Variants in GAD2 observed in about 807,000 individuals in gnomAD.
The protein encoded by GAD2 is glutamate decarboxylase 2.
GAD2 carries 22 observed loss-of-function variants against 80.1 expected under a neutral mutation model. The ratio of observed to expected loss-of-function variants is 0.27; its 90% CI spans 0.20 to 0.39. The LOEUF is 0.39. Among genes scored for constraint, GAD2 ranks in the 10% least tolerant of loss-of-function variants. The pLI is 1.00. For synonymous variants in GAD2, 274 were observed against 256.9 expected, an observed-to-expected ratio of 1.07 and a Z score of -0.64; for missense variants, 624 against 738.4, an observed-to-expected ratio of 0.85 and a Z score of 1.80.
chr10:26,273,401 A>G (rs6482549), intron 10 of GAD2, among the ~76,000 whole-genome samples: 152,089 of 152,288 alleles, frequency 1, 75,945 homozygotes, highest in Middle Eastern at 1. Context: ...TCTCTCTTCT[A>G]CGGACCAGGA....
At chr10:26,265,512 C>T (rs77031076) in intron 8 of GAD2, among the ~76,000 whole-genome samples, 10,537 of 152,028 alleles carry the variant, frequency 0.069, 454 homozygotes, top group Non-Finnish European at 0.099. Flanking sequence ...CAGCATCATA[C>T]GACTTCTTAA....
intron 7 of GAD2, among the ~76,000 whole-genome samples, chr10:26,243,181 C>T (rs1167013037): frequency 6.6e-6 from 1 of 152,148 alleles, no homozygotes. Flanking sequence ...AAGCTAATGG[C>T]CCTTTCTCAT....
intron 4 of GAD2, among the ~76,000 whole-genome samples, chr10:26,222,617 G>C (rs370229559): frequency 2.0e-5 from 3 of 152,144 alleles, no homozygotes; most frequent in African/African-American, 7.2e-5. Context: ...GGTACCACAC[G>C]AGGCCACAAG....
Position 26,292,531 on chromosome 10 carries a change from A to G in GAD2, c.1453A>G (p.Ile485Val). The stretch of plus-strand genomic sequence containing the variant: ...GTTGGCAGAGTATTTATACAACATC[A>G]TAAAAAACCGAGAAGGATATGAGAT... ...LELAEYLYNI[I>V]KNREGYEMVF... The change falls in exon 14 of 16, where the codon ATA (isoleucine) becomes GTA (valine). Residue 485 changes from isoleucine (I) to valine (V), a missense_variant. By Grantham distance (29) the Ile-to-Val change is conservative. Coordinates refer to ENST00000376261, the MANE Select transcript of GAD2 (RefSeq NM_001134366.2). 6.2e-7 allele frequency: 1 copy of G among 1,614,094 alleles called. No homozygotes were observed. The highest frequency in any genetic ancestry group is 8.5e-7 in the Non-Finnish European group (1 of 1,179,944).
chr10:26,223,557 G>A (rs767941335), intron 4 of GAD2, among the ~76,000 whole-genome samples: 1 of 152,124 alleles, frequency 6.6e-6, no homozygotes, highest in Non-Finnish European at 1.5e-5. Flanking sequence ...AAATAGAAAA[G>A]AGACTCATGC....
chr10:26,230,600 A>G (rs916693602), intron 7 of GAD2, among the ~76,000 whole-genome samples: 7 of 152,004 alleles, frequency 4.6e-5, no homozygotes, highest in African/African-American at 1.4e-4. Context: ...ATGGCTGACT[A>G]ATTTTTCTAT....
At chr10:26,272,342 C>A (rs922041220) in intron 10 of GAD2, among the ~76,000 whole-genome samples, 2 of 152,114 alleles carry the variant, frequency 1.3e-5, no homozygotes, top group Non-Finnish European at 2.9e-5. Context: ...CCGGCAACTT[C>A]AAAAATGAGA....
chr10:26,263,998 T>G (rs1285811124), intron 8 of GAD2, among the ~76,000 whole-genome samples: 1 of 152,200 alleles, frequency 6.6e-6, no homozygotes, highest in Non-Finnish European at 1.5e-5. Flanking sequence ...GCTCTAGATT[T>G]GAAATCTGCC....
intron 7 of GAD2, among the ~76,000 whole-genome samples, chr10:26,244,039 A>G (rs1440317900): frequency 6.6e-6 from 1 of 152,236 alleles, no homozygotes; most frequent in East Asian, 1.9e-4. Context: ...AACTAAATAA[A>G]CGACTGTATT....
At position 26,217,100 on chromosome 10, in the gene GAD2, G is replaced by A. The variant is rs1477537426; in HGVS notation, c.76+215G>A. Among the ~76,000 whole-genome samples the A allele has an allele frequency of 6.6e-6, 1 of 151,992 alleles. No individual in the cohort carries two copies. Among genetic ancestry groups the A allele is most frequent in the African/African-American group, 2.4e-5 (1 of 41,384 alleles). ...AAGACGCCCAAATAGTCTCAGGCCC[G>A]TTCCACAGAAGGTTGGAAGAGCCCC... On this transcript the variant is annotated intron_variant, in intron 1 of 15. Coordinates refer to ENST00000376261, the MANE Select transcript of GAD2 (RefSeq NM_001134366.2). This position sits in a 1 kb window ranked among gnomAD's most constrained non-coding sequence, Gnocchi z 4.9.
chr10:26,221,040 A>G (rs1844446467), intron 4 of GAD2, among the ~76,000 whole-genome samples: 1 of 152,214 alleles, frequency 6.6e-6, no homozygotes, highest in Non-Finnish European at 1.5e-5. Flanking sequence ...CAATCTCTCA[A>G]TAGTTTTCAT....
intron 8 of GAD2, among the ~76,000 whole-genome samples, chr10:26,249,520 G>A (rs1844853392): frequency 6.6e-6 from 1 of 152,228 alleles, no homozygotes. Context: ...TCACCTAGAG[G>A]GCCGTGGCCC....
rs566940550 is a variant in GAD2 at position 26,270,622 on chromosome 10, G to A, written c.976-18G>A. The A allele has an allele frequency of 7.7e-6, 12 of 1,554,768 alleles. No individual in the cohort carries two copies. Among genetic ancestry groups the A allele is most frequent in the East Asian group, 6.7e-5 (3 of 44,616 alleles). On this transcript the variant is annotated intron_variant, in intron 9 of 15. Coordinates refer to ENST00000376261, the MANE Select transcript of GAD2 (RefSeq NM_001134366.2). ...TTGACTCTGTTTTCCATGATTTGGG[G>A]CTTTCTCGTTCGCACAGGGGTTTGT...
At chr10:26,226,125 C>T (rs1175264438) in intron 6 of GAD2, among the ~76,000 whole-genome samples, 1 of 151,918 alleles carries the variant, frequency 6.6e-6, no homozygotes, top group Non-Finnish European at 1.5e-5. Flanking sequence ...AATTTATTCC[C>T]GTGCATAAGT....
intron 11 of GAD2, among the ~76,000 whole-genome samples, chr10:26,277,842 G>C (rs1292875435): frequency 6.6e-6 from 1 of 152,180 alleles, no homozygotes; most frequent in Non-Finnish European, 1.5e-5. Flanking sequence ...AGTGGCGATT[G>C]GGGCCTATGG....
intron 7 of GAD2, among the ~76,000 whole-genome samples, chr10:26,230,696 A>G (rs943118258): frequency 2.6e-5 from 4 of 151,926 alleles, no homozygotes; most frequent in Non-Finnish European, 2.9e-5. Flanking sequence ...CGGCCTCCCA[A>G]AGTGCTGAGA....
chr10:26,260,717 T>C (rs761639568), intron 8 of GAD2, among the ~76,000 whole-genome samples: 2 of 152,120 alleles, frequency 1.3e-5, no homozygotes, highest in Non-Finnish European at 2.9e-5. Flanking sequence ...CATGTTGCCT[T>C]CAGAAAAGAC....
At chr10:26,281,563 C>T (rs1845272318) in intron 12 of GAD2, among the ~76,000 whole-genome samples, 1 of 152,090 alleles carries the variant, frequency 6.6e-6, no homozygotes. Context: ...AATCTGTAAT[C>T]TCTGATTACA....
intron 8 of GAD2, among the ~76,000 whole-genome samples, chr10:26,265,744 A>T (rs577686365): frequency 6.6e-6 from 1 of 152,328 alleles, no homozygotes; most frequent in South Asian, 2.1e-4. Flanking sequence ...AGACCACACA[A>T]AGAGTATGGA....
Sources: gnomAD v4.1 joint callset for allele counts (sites outside exome capture counted in the v4.1 genomes callset) on GRCh38, gnomAD v4.1.1 for gene constraint, Gnocchi (gnomAD v3.1) non-coding constraint, MANE v1.5 for transcripts, NCBI Gene and HGNC (gene_info 2026-07-23, HGNC 2026-07-21) for gene names.